ARHGAP27: variants seen among roughly 807,000 people sequenced by gnomAD.
ARHGAP27 encodes rho GTPase-activating protein 27.
Under a neutral mutation model 102.0 loss-of-function variants are expected in ARHGAP27, and 53 were observed. That is an observed-to-expected ratio of 0.52 (90% CI 0.42 to 0.65). The LOEUF is 0.65. Among genes scored for constraint, ARHGAP27 ranks in the 30% least tolerant of loss-of-function variants. The pLI, the probability that ARHGAP27 is intolerant of heterozygous loss-of-function variation, is 0.00. For missense variants in ARHGAP27, 1,117 were observed against 1,256.2 expected (o/e 0.89, Z 1.68); for synonymous variants, 525 against 542.8 (o/e 0.97, Z 0.46).
At chr17:45,411,830 G>A (rs577503209) in intron 4 of ARHGAP27, among the ~76,000 whole-genome samples, 2 of 149,906 alleles carry the variant, frequency 1.3e-5, no homozygotes, top group Non-Finnish European at 3.0e-5. Context: ...CTACACACGT[G>A]TGCGTGCATA....
intron 4 of ARHGAP27, among the ~76,000 whole-genome samples, chr17:45,421,126 G>C (rs772209698): frequency 1.4e-4 from 19 of 132,572 alleles, no homozygotes; most frequent in Non-Finnish European, 2.7e-4. Flanking sequence ...AAGATAAACT[G>C]GGGGGGACCC....
At chr17:45,413,872 G>A (rs1379414746) in intron 4 of ARHGAP27, among the ~76,000 whole-genome samples, 2 of 152,162 alleles carry the variant, frequency 1.3e-5, no homozygotes, top group African/African-American at 4.8e-5. Flanking sequence ...TTGGAAGGCC[G>A]AGGCAGGAGG....
At position 45,395,370 on chromosome 17, in the gene ARHGAP27, A is replaced by T; in HGVS notation, c.*86T>A. On this transcript the variant is annotated 3_prime_UTR_variant, in exon 20 of 20. Coordinates refer to ENST00000685559, the MANE Select transcript of ARHGAP27 (RefSeq NM_001282290.2). ...CGGCTATGCGCTGGCGGAGGGTCCC[A>T]GAGAGAAGAAGGCCCGGCTGCGTGG... 6.9e-7 allele frequency: 1 copy of T among 1,456,378 alleles called. No homozygotes were observed. The highest frequency in any genetic ancestry group is 9.2e-7 in the Non-Finnish European group (1 of 1,087,310). The allele number at this position is 1,456,378 out of a possible 1,614,324, so 90.2% of individuals were successfully genotyped here. A position where few individuals can be genotyped will look rare whatever the true frequency, so the allele number is the denominator to read the frequency against.
chr17:45,396,746 T>C lies in ARHGAP27; in HGVS notation c.1996A>G (p.Lys666Glu). Reference sequence around the variant, plus strand: ...AACTTGCGGAGCTTGTGCCGGACCTTGCTCAAGTCGCTCTCCAGGCCCACG... The same window carrying C: ...AACTTGCGGAGCTTGTGCCGGACCTCGCTCAAGTCGCTCTCCAGGCCCACG... ...GPVGLESDLS[K>E]VRHKLRKFLQ... The change falls in exon 15 of 20, where the codon AAG becomes GAG. Residue 666 changes from lysine (K) to glutamate (E), a missense_variant. Lys to Glu is a moderately conservative substitution (Grantham distance 56, BLOSUM62 1). This residue lies in a region of ARHGAP27 where 493 missense variants were observed against 505.5 expected (regional missense o/e 0.98). Transcript: ENST00000685559. 6.2e-7 allele frequency: 1 copy of C among 1,613,718 alleles called. No individual in the cohort carries two copies. Among genetic ancestry groups the C allele is most frequent in the Non-Finnish European group, 8.5e-7 (1 of 1,179,750 alleles).
rs143628193 is a variant in ARHGAP27 at position 45,396,965 on chromosome 17, C to T, written c.1902G>A (p.Glu634=). ...ESSRVDFGSS[E]RLGSWQEKEE... ...CTTTCTCCTGCCAGCTTCCCAAGCG[C>T]TCGCTCGACCCGAAGTCCACTCTGC... The change falls in exon 14 of 20, where the codon GAG becomes GAA. Residue 634 remains glutamate, a synonymous_variant. Coordinates refer to ENST00000685559, the MANE Select transcript of ARHGAP27 (RefSeq NM_001282290.2). The T allele has an allele frequency of 7.8e-5, 126 of 1,605,768 alleles. No homozygotes were observed. In the African/African-American group the frequency reaches 1.3e-3, roughly 17 times the overall value.
In ARHGAP27 at chr17:45,402,746, T is replaced by C; in HGVS notation, c.1711A>G (p.Lys571Glu). ...ACATTCTTCCTACTGGATTTGTCTTTGGGGGCCCAGGAGAGAGTGGCCCCC... is the reference window on the plus strand; with the variant it reads ...ACATTCTTCCTACTGGATTTGTCTTCGGGGGCCCAGGAGAGAGTGGCCCCC... ...LRGATLSWAPKDKSSRKNVLE... is the reference protein window; with the variant it reads ...LRGATLSWAPEDKSSRKNVLE... Residue 571 changes from lysine to glutamate, a missense_variant, in exon 12 of 20, where the codon AAA becomes GAA. Lys to Glu is a moderately conservative substitution (Grantham distance 56, BLOSUM62 1). Transcript: ENST00000685559. The C allele has an allele frequency of 1.9e-6, 3 of 1,613,550 alleles. No homozygotes were observed. Among genetic ancestry groups the C allele is most frequent in the Non-Finnish European group, 2.5e-6 (3 of 1,179,676 alleles).
Position 45,427,217 on chromosome 17 carries a change from A to C in ARHGAP27, c.657+2406T>G, listed in dbSNP as rs1416321914. ...CATTCTTGAAGCCCTGGCCACAGGG[A>C]TTTTTTTCTCAATCCCATTCCTGTC... On this transcript the variant is annotated intron_variant, in intron 4 of 19. Coordinates refer to ENST00000685559, the MANE Select transcript of ARHGAP27 (RefSeq NM_001282290.2). This position sits in a 1 kb window ranked among gnomAD's most constrained non-coding sequence, Gnocchi z 4.5. Among the ~76,000 whole-genome samples the C allele has an allele frequency of 6.7e-6, 1 of 150,240 alleles. No homozygotes were observed. Among genetic ancestry groups the C allele is most frequent in the Non-Finnish European group, 1.5e-5 (1 of 67,800 alleles).
intron 10 of ARHGAP27, 52 bp downstream of exon 10, chr17:45,403,977 C>T (rs1362829031): frequency 6.3e-7 from 1 of 1,589,052 alleles, no homozygotes; most frequent in Non-Finnish European, 8.6e-7. Context: ...GCTCAGTGAA[C>T]ATCGTCACCA....
chr17:45,402,302 T>C (rs1006467736), intron 12 of ARHGAP27, among the ~76,000 whole-genome samples: 10 of 152,120 alleles, frequency 6.6e-5, no homozygotes, highest in Non-Finnish European at 1.2e-4. Flanking sequence ...GAATTTCCTC[T>C]CCCAGAGGCC....
rs1369593296 is a variant in ARHGAP27 at position 45,402,771 on chromosome 17, C to G, written c.1686G>C (p.Arg562Ser). The G allele has an allele frequency of 6.2e-7, 1 of 1,613,206 alleles. No homozygotes were observed. Among genetic ancestry groups the G allele is most frequent in the Admixed American group, 1.7e-5 (1 of 59,870 alleles). ...FSTPEYTVEL[R>S]GATLSWAPKD... The stretch of plus-strand genomic sequence containing the variant: ...TGGGGGCCCAGGAGAGAGTGGCCCC[C>G]CTCAGCTCCACTGTGTACTCAGGGG... Residue 562 changes from arginine (R) to serine (S), a missense_variant, in exon 12 of 20, where the codon AGG becomes AGC. Around this residue, in one of 3 missense-constraint regions of ARHGAP27, gnomAD observed 493 missense variants for 505.5 expected, o/e 0.98. Coordinates refer to ENST00000685559, the MANE Select transcript of ARHGAP27 (RefSeq NM_001282290.2).
Position 45,430,195 on chromosome 17 carries a change from T to G in ARHGAP27, c.85A>C (p.Ile29Leu). 1 of 1,550,014 alleles carries G rather than the reference T, an allele frequency of 6.5e-7. No individual in the cohort carries two copies. The highest frequency in any genetic ancestry group is 8.7e-7 in the Non-Finnish European group (1 of 1,155,440). ...AGCCGGTAGCGCTCATTCGGCCGGATGGCCACGCGGCGCCCGTCCTTGCCG... is the reference window on the plus strand; with the variant it reads ...AGCCGGTAGCGCTCATTCGGCCGGAGGGCCACGCGGCGCCCGTCCTTGCCG... ...YTGKDGRRVA[I>L]RPNERYRLLR... is the part of the protein sequence containing the mutation. Residue 29 changes from isoleucine to leucine, a missense_variant, in exon 4 of 20, where the codon ATC becomes CTC. By Grantham distance (5) the Ile-to-Leu change is conservative. Coordinates refer to ENST00000685559, the MANE Select transcript of ARHGAP27 (RefSeq NM_001282290.2). The surrounding 1 kb of genome is among the most constrained non-coding windows in gnomAD (Gnocchi z 4.4).
intron 15 of ARHGAP27, 31 bp from the exon 16 acceptor site, chr17:45,396,616 G>A: frequency 1.2e-6 from 2 of 1,610,846 alleles, no homozygotes; most frequent in Non-Finnish European, 1.7e-6. Flanking sequence ...CTCCTGCCCA[G>A]CCTGCGCCCC....
At chr17:45,414,224 C>A (rs116908714) in intron 4 of ARHGAP27, among the ~76,000 whole-genome samples, 1 of 152,140 alleles carries the variant, frequency 6.6e-6, no homozygotes, top group Non-Finnish European at 1.5e-5. Context: ...CTGCCCTCCC[C>A]CTCAAACGTA....
At chr17:45,397,297 G>C in intron 13 of ARHGAP27, 1 of 1,335,988 alleles carries the variant, frequency 7.5e-7, no homozygotes. Flanking sequence ...CTACCCACCT[G>C]GTGCCTTCTT....
At position 45,404,264 on chromosome 17, in the gene ARHGAP27, C is replaced by T; in HGVS notation, c.1479+5G>A. The T allele has an allele frequency of 6.2e-7, 1 of 1,613,866 alleles. No homozygotes were observed. Among genetic ancestry groups the T allele is most frequent in the Non-Finnish European group, 8.5e-7 (1 of 1,179,952 alleles). On this transcript the variant is annotated splice_donor_5th_base_variant and intron_variant, in intron 9 of 19. Coordinates refer to ENST00000685559, the MANE Select transcript of ARHGAP27 (RefSeq NM_001282290.2). ...ACCTGGCTGGGGGTAGGGGGTGATG[C>T]CTACCCTCACAGCAGCTGTGGCAGG...
Position 45,402,648 on chromosome 17 carries a change from A to T in ARHGAP27, c.1743+66T>A, listed in dbSNP as rs187749072. 10 of 1,414,546 alleles carry T rather than the reference A, an allele frequency of 7.1e-6. 1 individual carries two copies. In the African/African-American group the frequency reaches 1.3e-4, roughly 18 times the overall value. The allele number at this position is 1,414,546 out of a possible 1,614,324, so 87.6% of individuals were successfully genotyped here. ...ACCCCCAGGTCATTTCCAGGTCAAT[A>T]GTTGTCAGAGAGCTGGCAGGCATCA... On this transcript the variant is annotated intron_variant, in intron 12 of 19. Coordinates refer to ENST00000685559, the MANE Select transcript of ARHGAP27 (RefSeq NM_001282290.2).
Position 45,429,648 on chromosome 17 carries a change from G to C in ARHGAP27, c.632C>G (p.Pro211Arg). ...CTGCTCTGCGCTCTCCTCCGGCGGC[G>C]GGACGTGCAAGTCCTGGATGACCTC... The part of the protein sequence containing the change: ...VYEVIQDLHV[P>R]PPEESAEQVD... The change falls in exon 4 of 20, where the codon CCG becomes CGG. Residue 211 changes from proline (P) to arginine (R), a missense_variant. Pro to Arg is a moderately radical substitution (Grantham distance 103, BLOSUM62 -2). This residue lies in a region of ARHGAP27 where 610 missense variants were observed against 716.4 expected (regional missense o/e 0.85). Transcript: ENST00000685559. The C allele has an allele frequency of 1.9e-6, 3 of 1,580,914 alleles. No individual in the cohort carries two copies. Among genetic ancestry groups the C allele is most frequent in the Non-Finnish European group, 2.6e-6 (3 of 1,163,280 alleles).
At chr17:45,410,008 T>C (rs2047713055) in intron 4 of ARHGAP27, 1 of 582,586 alleles carries the variant, frequency 1.7e-6, no homozygotes, top group Admixed American at 3.4e-5. Flanking sequence ...GTTCACCCCT[T>C]ATCTCCAGTT....
At position 45,429,603 on chromosome 17, in the gene ARHGAP27, C is replaced by T; in HGVS notation, c.657+20G>A. 1 of 1,575,494 alleles carries T rather than the reference C, an allele frequency of 6.3e-7. No homozygotes were observed. The highest frequency in any genetic ancestry group is 8.6e-7 in the Non-Finnish European group (1 of 1,161,156). On this transcript the variant is annotated intron_variant, in intron 4 of 19. Coordinates refer to ENST00000685559, the MANE Select transcript of ARHGAP27 (RefSeq NM_001282290.2). ...CCTAGCGCGCCACCCGCCTCCGCGC[C>T]CCAGCGCCCGGGGAGGTACCTGCTC... is the stretch of plus-strand genomic sequence containing the variant.
Sources: allele counts gnomAD v4.1 joint callset (sites outside exome capture counted in the v4.1 genomes callset), GRCh38; gene constraint gnomAD v4.1.1; regional missense constraint gnomAD v4.1.1; non-coding constraint Gnocchi (gnomAD v3.1); transcripts MANE v1.5; gene names NCBI Gene and HGNC (gene_info 2026-07-23, HGNC 2026-07-21).